Variants in RBL2 observed in about 807,000 individuals in gnomAD.
The protein encoded by RBL2 is retinoblastoma-like protein 2.
A neutral mutation model predicts 126.0 loss-of-function variants in RBL2; 56 were observed. The ratio of observed to expected loss-of-function variants is 0.44; its 90% CI spans 0.36 to 0.56. The LOEUF (loss-of-function observed/expected upper bound fraction) is 0.56. Among genes scored for constraint, RBL2 ranks in the 20% least tolerant of loss-of-function variants. The pLI, the probability that RBL2 is intolerant of heterozygous loss-of-function variation, is 0.00. For synonymous variants in RBL2, 454 were observed against 478.5 expected, an observed-to-expected ratio of 0.95 and a Z score of 0.67; for missense variants, 1,229 against 1,398.2, an observed-to-expected ratio of 0.88 and a Z score of 1.93.
In RBL2 at chr16:53,490,634, G is replaced by A. The variant is rs1033616071; in HGVS notation, c.*334G>A. On this transcript the variant is annotated 3_prime_UTR_variant, in exon 22 of 22. Transcript: ENST00000262133. ...GTGAGCATAGGAGGCTTCTGTTGAC[G>A]TACTCCAACAGAAGAACTGTGTTTC... 3.1e-5 allele frequency: 6 copies of A among 193,348 alleles called. No individual in the cohort carries two copies. The highest frequency in any genetic ancestry group is 1.9e-4 in the South Asian group (1 of 5,210). 12.0% of individuals were successfully genotyped at this position (193,348 alleles called of 1,614,324 possible).
intron 21 of RBL2, among the ~76,000 whole-genome samples, chr16:53,486,377 AAGT>A (rs1305331254): frequency 1.3e-5 from 2 of 152,182 alleles, no homozygotes; most frequent in Admixed American, 6.5e-5. Flanking sequence ...AATAAAACTC[AAGT>A]AGTAGTCTCA....
intron 1 of RBL2, among the ~76,000 whole-genome samples, chr16:53,436,177 G>T (rs193254163): frequency 2.4e-4 from 37 of 151,858 alleles, no homozygotes; most frequent in African/African-American, 8.7e-4. Context: ...TTGTTTTTTG[G>T]GTTTTTTTTT....
intron 8 of RBL2, among the ~76,000 whole-genome samples, chr16:53,455,657 G>A (rs974332190): frequency 1.3e-5 from 2 of 151,854 alleles, no homozygotes; most frequent in African/African-American, 4.8e-5. Context: ...TGAGGGGAGG[G>A]GAGAATGGGA....
chr16:53,455,998 G>A (rs1465191944), intron 8 of RBL2, among the ~76,000 whole-genome samples: 2 of 151,912 alleles, frequency 1.3e-5, no homozygotes, highest in Non-Finnish European at 2.9e-5. Flanking sequence ...GTGAGACCCC[G>A]TCTCTACATA....
At chr16:53,481,991 T>C (rs1027618723) in intron 21 of RBL2, among the ~76,000 whole-genome samples, 156 bp downstream of exon 21, 5 of 152,230 alleles carry the variant, frequency 3.3e-5, no homozygotes, top group Admixed American at 3.3e-4. Context: ...AGGGTTTGTT[T>C]TGTTTTTTGC....
In RBL2 at chr16:53,463,548, A is replaced by G. The variant is rs1294547874; in HGVS notation, c.1561-678A>G. 2.3e-5 allele frequency among the ~76,000 whole-genome samples: 3 copies of G among 130,994 alleles called. No homozygotes were observed. In the East Asian group the frequency reaches 6.6e-4, roughly 29 times the overall value. The allele number at this position is 130,994 out of a possible 152,430, so 85.9% of individuals were successfully genotyped here. ...TGAGCCACCTGCCTGGCCCCTTTCA[A>G]TATTTTTTTTTCCTTTTTTTTTTTT... is the stretch of plus-strand genomic sequence containing the variant. On this transcript the variant is annotated intron_variant, in intron 11 of 21. Transcript: ENST00000262133.
rs569137315 is a variant in RBL2, at chr16:53,480,898, C to A, written c.3084+129C>A. 3.8e-3 allele frequency: 3,268 copies of A among 870,510 alleles called. 14 individuals are homozygous for A. The highest frequency in any genetic ancestry group is 5.3e-3 in the Non-Finnish European group (3,042 of 573,936). The allele number at this position is 870,510 out of a possible 1,614,324, so 53.9% of individuals were successfully genotyped here. On this transcript the variant is annotated intron_variant, in intron 20 of 21. Transcript: ENST00000262133. ...TTTTGGCCAGGTGTGGTGGCTCACA[C>A]CTGTAATCCCAGCACTTTGGGAGGC...
chr16:53,472,464 A>G (rs1960558518), intron 17 of RBL2, among the ~76,000 whole-genome samples: 2 of 152,192 alleles, frequency 1.3e-5, no homozygotes, highest in Admixed American at 6.5e-5. Flanking sequence ...ATTGGGTGAT[A>G]TATCATTGTG....
At chr16:53,481,621 A>G in intron 20 of RBL2, 50 bp from the exon 21 acceptor site, 2 of 1,415,064 alleles carry the variant, frequency 1.4e-6, no homozygotes, top group Non-Finnish European at 1.9e-6. Context: ...TTCAGTAAAA[A>G]TAATTATAAA....
chr16:53,479,710 G>A (rs1033488743), intron 18 of RBL2, 176 bp from the exon 19 acceptor site: 4 of 549,878 alleles, frequency 7.3e-6, no homozygotes, highest in Non-Finnish European at 1.3e-5. Context: ...TGCTAGATGG[G>A]CTCTGATTGA....
intron 9 of RBL2, among the ~76,000 whole-genome samples, chr16:53,460,946 CTG>C (rs2150803743): frequency 6.6e-6 from 1 of 152,262 alleles, no homozygotes; most frequent in Non-Finnish European, 1.5e-5. Flanking sequence ...AATAGAAAGA[CTG>C]AAGTAAACCT....
intron 21 of RBL2, among the ~76,000 whole-genome samples, chr16:53,484,470 A>T (rs1961082161): frequency 6.6e-6 from 1 of 152,248 alleles, no homozygotes; most frequent in Non-Finnish European, 1.5e-5. Context: ...TTAAATATAA[A>T]AATGTATATC....
chr16:53,435,846 C>T (rs2153136906), intron 1 of RBL2: 2 of 1,080,244 alleles, frequency 1.9e-6, no homozygotes, highest in Non-Finnish European at 1.2e-6. Flanking sequence ...TACTAGTTCC[C>T]TCTTTGAATT....
chr16:53,446,690 T>G (rs1002584599), intron 3 of RBL2, among the ~76,000 whole-genome samples: 3 of 152,138 alleles, frequency 2.0e-5, no homozygotes, highest in African/African-American at 7.2e-5. Context: ...GAGAAAAAAA[T>G]AAGGACATAT....
rs1034313932 is a variant in RBL2 at position 53,434,635 on chromosome 16, G to T, written c.79G>T (p.Asp27Tyr). The T allele has an allele frequency of 1.3e-6, 2 of 1,563,686 alleles. No homozygotes were observed. The highest frequency in any genetic ancestry group is 4.7e-5 in the East Asian group (2 of 42,860). Residue 27 changes from aspartate to tyrosine, a missense_variant, in exon 1 of 22, where the codon GAC becomes TAC. Asp to Tyr is a radical substitution (Grantham distance 160). Coordinates refer to ENST00000262133, the MANE Select transcript of RBL2 (RefSeq NM_005611.4). ...GGCAGCCTCGGATGAGGAGGAGGAG[G>T]ACGACGGCGAGGCGGAAGACGCCGC... ...AAAASDEEEE[D>Y]DGEAEDAAPP...
intron 17 of RBL2, among the ~76,000 whole-genome samples, chr16:53,475,448 T>G (rs1344607682): frequency 6.6e-6 from 1 of 152,204 alleles, no homozygotes; most frequent in Non-Finnish European, 1.5e-5. Context: ...ACTCTTGGCC[T>G]CAAGCGATCC....
intron 8 of RBL2, among the ~76,000 whole-genome samples, chr16:53,456,139 G>A (rs1199881060): frequency 6.6e-6 from 1 of 151,970 alleles, no homozygotes; most frequent in African/African-American, 2.4e-5. Flanking sequence ...TCGCGTCACT[G>A]CCCTCCAGCC....
intron 19 of RBL2, 27 bp downstream of exon 19, chr16:53,480,018 G>T: frequency 6.8e-7 from 1 of 1,469,280 alleles, no homozygotes; most frequent in South Asian, 1.2e-5. Context: ...TGAACTACAA[G>T]ACAAAATTAG....
intron 17 of RBL2, among the ~76,000 whole-genome samples, chr16:53,471,593 C>T (rs12325493): frequency 4.6e-5 from 7 of 151,992 alleles, no homozygotes; most frequent in South Asian, 2.1e-4. Flanking sequence ...CGTAGCCTCC[C>T]GAGTAGCTGG....
Sources: gnomAD v4.1 joint callset for allele counts (sites outside exome capture counted in the v4.1 genomes callset) on GRCh38, gnomAD v4.1.1 for gene constraint, MANE v1.5 for transcripts, NCBI Gene and HGNC (gene_info 2026-07-23, HGNC 2026-07-21) for gene names.